The following SHANK2 variants were observed in gnomAD, a reference collection of about 807,000 sequenced individuals.
SHANK2 encodes the protein SH3 and multiple ankyrin repeat domains 2.
In SHANK2, 43 loss-of-function variants were observed where a neutral mutation model predicts 133.7. The ratio of observed to expected loss-of-function variants is 0.32; its 90% confidence interval spans 0.25 to 0.41. The LOEUF (loss-of-function observed/expected upper bound fraction) is 0.41. Ranked by LOEUF, SHANK2 falls within the 10% of genes least tolerant of loss-of-function variation. SHANK2 has a pLI of 1.00. For missense variants in SHANK2, 1,994 were observed against 2,235.8 expected (o/e 0.89, Z 2.18); for synonymous variants, 1,017 against 952.8 (o/e 1.07, Z -1.24).
intron 15 of SHANK2, chr11:70,667,888 C>A (rs1201792129): frequency 3.9e-5 from 6 of 152,240 alleles, no homozygotes; most frequent in African/African-American, 1.4e-4. Context: ...AGGATCCCAG[C>A]TGGGTTGGTG....
chr11:70,609,993 G>A lies in SHANK2; in HGVS notation c.2061+49835C>T, dbSNP rs375057628. On this transcript the variant is annotated intron_variant, in intron 17 of 25. Transcript: ENST00000601538. ...GTGATTTTATTTATAGGAAATATAC[G>A]GAATCAGTGCATCCATAGAGACAGA... Among the ~76,000 whole-genome samples the A allele has an allele frequency of 8.5e-5, 13 of 152,110 alleles. No individual in the cohort carries two copies. The South Asian group carries it at 2.5e-3, about 29-fold the overall frequency.
chr11:71,098,138 TGTGTGCATGCATGCCTGTGTGC>T (rs1555095902), intron 6 of SHANK2, among the ~76,000 whole-genome samples: 2 of 150,894 alleles, frequency 1.3e-5, no homozygotes, highest in Non-Finnish European at 3.0e-5. Flanking sequence ...TGTACATGCC[TGTGTGCATGCATGCCTGTGTGC>T]ATGTGCATGC....
chr11:70,715,266 G>A (rs1002655603), intron 14 of SHANK2, among the ~76,000 whole-genome samples: 6 of 152,220 alleles, frequency 3.9e-5, no homozygotes, highest in Admixed American at 2.6e-4. Context: ...GGGACGGGCT[G>A]TGCCCAGGGT....
intron 9 of SHANK2, among the ~76,000 whole-genome samples, chr11:71,067,449 C>T (rs903932883): frequency 6.6e-6 from 1 of 152,136 alleles, no homozygotes; most frequent in Non-Finnish European, 1.5e-5. Context: ...TCTTGGAGAG[C>T]CAGGATGAGG....
chr11:70,488,631 G>C (rs2135743795), intron 24 of SHANK2, among the ~76,000 whole-genome samples: 1 of 152,340 alleles, frequency 6.6e-6, no homozygotes, highest in African/African-American at 2.4e-5. Context: ...GCCAGGAATA[G>C]GATCCTGAGC....
In SHANK2 at chr11:70,486,205, G is replaced by A. The variant is rs571446520; in HGVS notation, c.4088C>T (p.Ala1363Val). The A allele has an allele frequency of 3.7e-6, 6 of 1,613,852 alleles. No individual in the cohort carries two copies. The highest frequency in any genetic ancestry group is 4.5e-5 in the East Asian group (2 of 44,872). Residue 1363 changes from alanine (A) to valine (V), a missense_variant, in exon 25 of 26, where the codon GCT (alanine) becomes GTT (valine). Ala to Val is a moderately conservative substitution (Grantham distance 64, BLOSUM62 0). This residue lies in a region of SHANK2 where 797 missense variants were observed against 907.4 expected (regional missense o/e 0.88). Transcript: ENST00000601538. This position sits in a 1 kb window ranked among gnomAD's most constrained non-coding sequence, Gnocchi z 8.0. ...SETEGALQISAAPEPTTVPGR... is the reference protein window; with the variant it reads ...SETEGALQISVAPEPTTVPGR... ...GGGCACGGTGGTGGGCTCGGGGGCA[G>A]CGGAGATCTGTAAAGCACCTTCGGT...
At chr11:70,482,264 G>A (rs2058744942) in intron 25 of SHANK2, among the ~76,000 whole-genome samples, 1 of 152,236 alleles carries the variant, frequency 6.6e-6, no homozygotes, top group African/African-American at 2.4e-5. Context: ...GGCAGTGCCA[G>A]TGAACCCCTA....
chr11:70,603,208 A>T (rs1554991451), intron 17 of SHANK2: 1 of 152,340 alleles, frequency 6.6e-6, no homozygotes, highest in Admixed American at 6.5e-5. Flanking sequence ...CATGGGGAGA[A>T]ACCGCCAACC....
chr11:70,653,690 A>C (rs2061368679), intron 17 of SHANK2, among the ~76,000 whole-genome samples: 1 of 152,076 alleles, frequency 6.6e-6, no homozygotes, highest in Non-Finnish European at 1.5e-5. Context: ...TAGCAGAATC[A>C]CCTGAGATGA....
chr11:70,874,054 A>C (rs1949514657), intron 11 of SHANK2, among the ~76,000 whole-genome samples: 1 of 152,170 alleles, frequency 6.6e-6, no homozygotes, highest in African/African-American at 2.4e-5. Flanking sequence ...CTAGCCATCT[A>C]TCCATCTACC....
chr11:70,665,217 T>G (rs567618305), intron 15 of SHANK2, among the ~76,000 whole-genome samples: 1 of 152,220 alleles, frequency 6.6e-6, no homozygotes, highest in Non-Finnish European at 1.5e-5. Flanking sequence ...CACAGCTCAC[T>G]GTAAGTTTGA....
intron 17 of SHANK2, among the ~76,000 whole-genome samples, chr11:70,655,050 T>C (rs1454414410): frequency 6.6e-6 from 1 of 152,192 alleles, no homozygotes; most frequent in Non-Finnish European, 1.5e-5. Context: ...ATTACAGGCG[T>C]GATTTCTACC....
At chr11:71,163,836 G>A (rs1555110288) in intron 2 of SHANK2, among the ~76,000 whole-genome samples, 1 of 152,222 alleles carries the variant, frequency 6.6e-6, no homozygotes, top group African/African-American at 2.4e-5. Flanking sequence ...GAGGCTGGAG[G>A]AAGACAGAAG....
At chr11:71,244,324 C>T (rs1591049075) in intron 1 of SHANK2, among the ~76,000 whole-genome samples, 1 of 152,356 alleles carries the variant, frequency 6.6e-6, no homozygotes, top group Non-Finnish European at 1.5e-5. Context: ...CTAAACTCCA[C>T]AGACATATCC....
chr11:71,110,054 A>G lies in SHANK2; in HGVS notation c.484-5T>C, dbSNP rs1298127530. 3.3e-5 allele frequency: 50 copies of G among 1,532,430 alleles called. No individual in the cohort carries two copies. The highest frequency in any genetic ancestry group is 4.4e-5 in the Non-Finnish European group (50 of 1,129,714). 94.9% of individuals were successfully genotyped at this position (1,532,430 alleles called of 1,614,324 possible). On this transcript the variant is annotated splice_polypyrimidine_tract_variant and splice_region_variant and intron_variant, in intron 5 of 25. Transcript: ENST00000601538. Reference sequence around the variant, plus strand: ...CATGCATTTCTTCAGATTGGTCTAGAAGGAAAAACAATACAATTGAAACAT... The same window carrying G: ...CATGCATTTCTTCAGATTGGTCTAGGAGGAAAAACAATACAATTGAAACAT...
At chr11:70,933,228 C>T (rs1025795421) in intron 10 of SHANK2, 1 of 456,378 alleles carries the variant, frequency 2.2e-6, no homozygotes, top group Admixed American at 2.3e-5. Context: ...CATGGAGGAA[C>T]CTTGAGGACA....
At chr11:70,764,063 AATCCATCCATCCATCCATCCATCC>A (rs782452712) in intron 14 of SHANK2, among the ~76,000 whole-genome samples, 1 of 127,010 alleles carries the variant, frequency 7.9e-6, no homozygotes, top group African/African-American at 3.0e-5. Flanking sequence ...TATACCCACC[AATCCATCCATCCATCCATCCATCC>A]ATCCATCCAT....
Position 70,807,035 on chromosome 11 carries a change from C to T in SHANK2, c.1630G>A (p.Glu544Lys), listed in dbSNP as rs1555052046. 4 of 717,798 alleles carry T rather than the reference C, an allele frequency of 5.6e-6. No individual in the cohort carries two copies. Among genetic ancestry groups the T allele is most frequent in the East Asian group, 2.7e-5 (1 of 37,262 alleles). The allele number at this position is 717,798 out of a possible 1,614,324, so 44.5% of individuals were successfully genotyped here. A position where few individuals can be genotyped will look rare whatever the true frequency, so the allele number is the denominator to read the frequency against. ...VKPYQPQVDG[E>K]IPLHRGDRVK... is the part of the protein sequence containing the mutation. ...CTGTCACCGCGGTGAAGGGGGATCT[C>T]GCCGTCCACTTGGGGTTGGTATGGC... The change falls in exon 13 of 26, where the codon GAG becomes AAG. Residue 544 changes from glutamate to lysine, a missense_variant. By Grantham distance (56) the Glu-to-Lys change is moderately conservative. Transcript: ENST00000601538. This position sits in a 1 kb window ranked among gnomAD's most constrained non-coding sequence, Gnocchi z 4.8.
In SHANK2 at chr11:71,252,540, G is replaced by C. The variant is rs1190968771; in HGVS notation, c.-228C>G. ...CGCGCCCAGCCCCGCCGGAGCTCAG[G>C]AGCCGCCGCCGCGGCTCAGGTGCAG... On this transcript the variant is annotated 5_prime_UTR_variant, in exon 1 of 26. Coordinates refer to ENST00000601538, the MANE Select transcript of SHANK2 (RefSeq NM_012309.5). This position sits in a 1 kb window ranked among gnomAD's most constrained non-coding sequence, Gnocchi z 6.3. 6.6e-6 allele frequency: 1 copy of C among 150,784 alleles called. No individual in the cohort carries two copies. The highest frequency in any genetic ancestry group is 6.6e-5 in the Admixed American group (1 of 15,162). The allele number at this position is 150,784 out of a possible 1,614,324, so 9.3% of individuals were successfully genotyped here.
Sources: gnomAD v4.1 joint callset for allele counts (sites outside exome capture counted in the v4.1 genomes callset) on GRCh38, gnomAD v4.1.1 for gene constraint, gnomAD v4.1.1 regional missense constraint, Gnocchi (gnomAD v3.1) non-coding constraint, MANE v1.5 for transcripts, NCBI Gene and HGNC (gene_info 2026-07-23, HGNC 2026-07-21) for gene names.